MYH6: variants seen among roughly 807,000 people sequenced by gnomAD.
MYH6 encodes myosin heavy chain 6, also known as myosin-6.
In MYH6, 126 loss-of-function variants were observed where a neutral mutation model predicts 223.2. The observed-to-expected ratio is 0.56, with a 90% CI of 0.49 to 0.65. MYH6 has a LOEUF of 0.65. Ranked by LOEUF, MYH6 falls within the 30% of genes least tolerant of loss-of-function variation. The pLI, the probability that MYH6 is intolerant of heterozygous loss-of-function variation, is 0.00. For missense variants in MYH6, 2,040 were observed against 2,536.4 expected (o/e 0.80, Z 4.20); for synonymous variants, 978 against 1,010.2 (o/e 0.97, Z 0.61).
In MYH6 at chr14:23,393,384, G is replaced by T. The variant is rs1595056112; in HGVS notation, c.3063C>A (p.Ser1021Arg). 1.2e-6 allele frequency: 2 copies of T among 1,614,154 alleles called. No individual in the cohort carries two copies. Among genetic ancestry groups the T allele is most frequent in the Middle Eastern group, 1.6e-4 (1 of 6,062 alleles). The stretch of plus-strand genomic sequence containing the variant: ...CCAGCTTGACCTTAGACTTGGACAG[G>T]CTGTTGACCTTGTCTTCCTCAACCT... The part of the protein sequence containing the change: ...DLQVEEDKVN[S>R]LSKSKVKLEQ... Residue 1021 changes from serine (S) to arginine (R), a missense_variant, in exon 23 of 39, where the codon AGC becomes AGA. Ser to Arg is a moderately radical substitution (Grantham distance 110). This residue lies in a region of MYH6 where 1,203 missense variants were observed against 1,400.2 expected (regional missense o/e 0.86). Coordinates refer to ENST00000405093, the MANE Select transcript of MYH6 (RefSeq NM_002471.4).
chr14:23,383,341 G>GGGGGGGGGGGGGGCCCCCCCCCCCC, intron 36 of MYH6, 21 bp from the exon 37 acceptor site: 1 of 556,580 alleles, frequency 1.8e-6, no homozygotes, highest in Non-Finnish European at 3.3e-6. Flanking sequence ...GAGGGTGGGA[G>GGGGGGGGGGGGGGCCCCCCCCCCCC]AAGCTGGTTT....
chr14:23,399,934 T>C (rs1321502754), intron 14 of MYH6: 3 of 400,808 alleles, frequency 7.5e-6, no homozygotes, highest in Non-Finnish European at 1.4e-5. Flanking sequence ...AGGCCAAACA[T>C]CTCTAATTTC....
intron 7 of MYH6, 94 bp from the exon 8 acceptor site, chr14:23,404,482 G>A: frequency 6.8e-7 from 1 of 1,468,736 alleles, no homozygotes; most frequent in Admixed American, 1.7e-5. Context: ...TGAGGAATGG[G>A]GGTGCGGGGC....
intron 12 of MYH6, 33 bp downstream of exon 12, chr14:23,402,431 G>T (rs1343536181): frequency 7.4e-6 from 12 of 1,610,928 alleles, no homozygotes; most frequent in Non-Finnish European, 1.0e-5. Flanking sequence ...AGCACCTCAG[G>T]CCTTCCCAGG....
At position 23,394,251 on chromosome 14, in the gene MYH6, G is replaced by A. The variant is rs913018162; in HGVS notation, c.2502C>T (p.Leu834=). 3.7e-6 allele frequency: 6 copies of A among 1,614,054 alleles called. No individual in the cohort carries two copies. The highest frequency in any genetic ancestry group is 2.7e-5 in the African/African-American group (2 of 74,914). The change falls in exon 21 of 39, where the codon CTC becomes CTT. Residue 834 remains leucine, a synonymous_variant. Coordinates refer to ENST00000405093, the MANE Select transcript of MYH6 (RefSeq NM_002471.4). ...TCAGCAGCGGCTTGATCTTGAAGTA[G>A]AGCTTCATCCAGGGCCAATTCTTGA... The part of the protein sequence containing the change: ...MGVKNWPWMK[L]YFKIKPLLKS...
intron 29 of MYH6, 82 bp from the exon 30 acceptor site, chr14:23,388,420 C>A: frequency 1.9e-6 from 3 of 1,572,896 alleles, no homozygotes; most frequent in Non-Finnish European, 2.6e-6. Context: ...TCCACCCCCT[C>A]CCTATATCTC....
In MYH6 at chr14:23,398,611, C is replaced by T. The variant is rs978137462; in HGVS notation, c.1891+117G>A. 22 of 1,242,230 alleles carry T rather than the reference C, an allele frequency of 1.8e-5. No individual in the cohort carries two copies. In the Middle Eastern group the frequency reaches 1.0e-3, roughly 59 times the overall value. The allele number at this position is 1,242,230 out of a possible 1,614,324, so 77.0% of individuals were successfully genotyped here. A position where few individuals can be genotyped will look rare whatever the true frequency, so the allele number is the denominator to read the frequency against. On this transcript the variant is annotated intron_variant, in intron 15 of 38. Transcript: ENST00000405093. ...TGTGGTGAGGTGAGCCAGGAGGTGG[C>T]TTGACTCATGGGCTCCCCTGTGCCT... is the stretch of plus-strand genomic sequence containing the variant.
intron 20 of MYH6, 45 bp downstream of exon 20, chr14:23,396,239 G>C (rs1252644211): frequency 5.6e-6 from 9 of 1,613,304 alleles, no homozygotes; most frequent in South Asian, 1.1e-5. Context: ...TTGCGGATCT[G>C]CCTCTACATC....
intron 12 of MYH6, 60 bp from the exon 13 acceptor site, chr14:23,401,037 T>C: frequency 6.3e-7 from 1 of 1,575,018 alleles, no homozygotes; most frequent in South Asian, 1.2e-5. Context: ...GATAGAGGCT[T>C]GCTCTGTCAC....
At chr14:23,388,830 G>A in intron 29 of MYH6, 29 bp downstream of exon 29, 13 of 1,613,920 alleles carry the variant, frequency 8.1e-6, no homozygotes, top group Non-Finnish European at 1.1e-5. Flanking sequence ...CTCTCTGAGA[G>A]TCAGGTTAAG....
chr14:23,397,693 G>A (rs1052531810), intron 15 of MYH6, 80 bp from the exon 16 acceptor site: 91 of 1,426,570 alleles, frequency 6.4e-5, no homozygotes, highest in Non-Finnish European at 8.4e-5. Flanking sequence ...TCTGCTGCTC[G>A]CTTGGTAGCT....
In MYH6 at chr14:23,407,661, G is replaced by C; in HGVS notation, c.-46-53C>G. 6.4e-6 allele frequency: 7 copies of C among 1,099,180 alleles called. No individual in the cohort carries two copies. Among genetic ancestry groups the C allele is most frequent in the Non-Finnish European group, 7.8e-6 (7 of 896,816 alleles). 68.1% of individuals were successfully genotyped at this position (1,099,180 alleles called of 1,614,324 possible). On this transcript the variant is annotated intron_variant, in intron 1 of 38. Transcript: ENST00000405093. This position sits in a 1 kb window ranked among gnomAD's most constrained non-coding sequence, Gnocchi z 5.6. Reference sequence around the variant, plus strand: ...CAGAGGTAGAGCCGGGCAGAGAGAAGAACAGATGAGGAGAGTGAAGAACAA... The same window carrying C: ...CAGAGGTAGAGCCGGGCAGAGAGAACAACAGATGAGGAGAGTGAAGAACAA...
chr14:23,407,375 C>G lies in MYH6; in HGVS notation c.-13-139G>C. 8.8e-7 allele frequency: 1 copy of G among 1,130,192 alleles called. No homozygotes were observed. Among genetic ancestry groups the G allele is most frequent in the Non-Finnish European group, 1.3e-6 (1 of 785,868 alleles). 70.0% of individuals were successfully genotyped at this position (1,130,192 alleles called of 1,614,324 possible). ...GAGGCACCTGCTGTTGCACCCTCCC[C>G]TACTCAGGGCTCTGCTTCTCCTGCC... On this transcript the variant is annotated intron_variant, in intron 2 of 38. Transcript: ENST00000405093. The surrounding 1 kb of genome is among the most constrained non-coding windows in gnomAD (Gnocchi z 5.6).
chr14:23,387,261 G>C (rs1384505753), intron 32 of MYH6, among the ~76,000 whole-genome samples: 1 of 152,172 alleles, frequency 6.6e-6, no homozygotes, highest in African/African-American at 2.4e-5. Context: ...CCTACCCACT[G>C]TCTAAGTGGT....
Position 23,387,525 on chromosome 14 carries a change from T to G in MYH6, c.4650+4A>C, listed in dbSNP as rs1257339298. 6.2e-7 allele frequency: 1 copy of G among 1,613,340 alleles called. No homozygotes were observed. Among genetic ancestry groups the G allele is most frequent in the East Asian group, 2.2e-5 (1 of 44,884 alleles). ...ATGGGGTGCAGGGAGTTCTCGGCCC[T>G]CACCTCTGCCTCCTCCAGGGCTGAC... On this transcript the variant is annotated splice_donor_region_variant and intron_variant, in intron 32 of 38. Coordinates refer to ENST00000405093, the MANE Select transcript of MYH6 (RefSeq NM_002471.4).
At chr14:23,393,161 A>G in intron 23 of MYH6, 104 bp from the exon 24 acceptor site, 1 of 1,534,058 alleles carries the variant, frequency 6.5e-7, no homozygotes, top group Non-Finnish European at 9.0e-7. Context: ...TTGGAAGTCA[A>G]ACCAACAGAG....
chr14:23,389,072 G>GGGGGGGGC lies in MYH6; in HGVS notation c.3979-18_3979-17insGCCCCCCC. 3.5e-6 allele frequency: 4 copies of GGGGGGGGC among 1,135,180 alleles called. No individual in the cohort carries two copies. The highest frequency in any genetic ancestry group is 3.9e-6 in the Non-Finnish European group (3 of 774,158). The allele number at this position is 1,135,180 out of a possible 1,614,324, so 70.3% of individuals were successfully genotyped here. A position where few individuals can be genotyped will look rare whatever the true frequency, so the allele number is the denominator to read the frequency against. ...GTTCTTCGCCTGGGGAGGGGGGGGG[G>GGGGGGGGC]CACCAGGAGGTGGGAGGGACTCCCT... is the stretch of plus-strand genomic sequence containing the variant. On this transcript the variant is annotated splice_polypyrimidine_tract_variant and intron_variant, in intron 28 of 38. Coordinates refer to ENST00000405093, the MANE Select transcript of MYH6 (RefSeq NM_002471.4).
At position 23,390,300 on chromosome 14, in the gene MYH6, G is replaced by T. The variant is rs764540332; in HGVS notation, c.3489C>A (p.Ile1163=). ...EEAGGATSVQ[I]EMNKKREAEF... ...CGGCCTCGCGCTTCTTGTTCATCTC[G>T]ATCTGCACGGACGTGGCCCCGCCGG... The change falls in exon 26 of 39, where the codon ATC becomes ATA. Residue 1163 remains isoleucine (I), a synonymous_variant. Coordinates refer to ENST00000405093, the MANE Select transcript of MYH6 (RefSeq NM_002471.4). 4 of 1,604,140 alleles carry T rather than the reference G, an allele frequency of 2.5e-6. No individual in the cohort carries two copies. In the Admixed American group the frequency reaches 6.7e-5, roughly 27 times the overall value.
rs765016322 is a variant in MYH6, at chr14:23,403,754, C to T, written c.760G>A (p.Gly254Arg). The T allele has an allele frequency of 6.2e-6, 10 of 1,612,684 alleles. No homozygotes were observed. Among genetic ancestry groups the T allele is most frequent in the Non-Finnish European group, 8.5e-6 (10 of 1,179,440 alleles). The change falls in exon 9 of 39, where the codon GGG (glycine) becomes AGG (arginine). Residue 254 changes from glycine to arginine, a missense_variant. Gly to Arg is a moderately radical substitution (Grantham distance 125). This residue lies in a region of MYH6 where 649 missense variants were observed against 877.3 expected (regional missense o/e 0.74). Coordinates refer to ENST00000405093, the MANE Select transcript of MYH6 (RefSeq NM_002471.4). Reference sequence around the variant, plus strand: ...GCAGAAGCCAGCTTTCCAGTGGCCCCAAAGTGGATCCTAATGAATTTCCCC... The same window carrying T: ...GCAGAAGCCAGCTTTCCAGTGGCCCTAAAGTGGATCCTAATGAATTTCCCC... ...RFGKFIRIHF[G>R]ATGKLASADI... is the part of the protein sequence containing the mutation.
Sources: allele counts gnomAD v4.1 joint callset (sites outside exome capture counted in the v4.1 genomes callset), GRCh38; gene constraint gnomAD v4.1.1; regional missense constraint gnomAD v4.1.1; non-coding constraint Gnocchi (gnomAD v3.1); transcripts MANE v1.5; gene names NCBI Gene and HGNC (gene_info 2026-07-23, HGNC 2026-07-21).